Variants in FGF14 observed in about 807,000 individuals in gnomAD.
FGF14 encodes the protein fibroblast growth factor 14.
In FGF14, 5 loss-of-function variants were observed where a neutral mutation model predicts 25.5. That is an observed-to-expected ratio of 0.20 (90% CI 0.10 to 0.41). FGF14 has a LOEUF of 0.41. Ranked by LOEUF, FGF14 falls within the 10% of genes least tolerant of loss-of-function variation. The probability of loss-of-function intolerance (pLI) is 1.00; values close to 1 mark genes in which losing one functional copy is unlikely to be tolerated. For missense variants in FGF14, 222 were observed against 320.1 expected (o/e 0.69, Z 2.34); for synonymous variants, 138 against 118.3 (o/e 1.17, Z -1.08).
At chr13:102,181,320 G>A (rs908850709) in intron 1 of FGF14, among the ~76,000 whole-genome samples, 1 of 152,122 alleles carries the variant, frequency 6.6e-6, no homozygotes, top group African/African-American at 2.4e-5. Context: ...TCCATGACAT[G>A]GTAAAAGGTA....
intron 1 of FGF14, among the ~76,000 whole-genome samples, chr13:101,933,787 A>T (rs112484869): frequency 0.017 from 2,543 of 152,220 alleles, 81 homozygotes; most frequent in African/African-American, 0.057. Flanking sequence ...ATCTGTCTTA[A>T]ATTTTACATA....
intron 1 of FGF14, among the ~76,000 whole-genome samples, chr13:101,952,104 TA>T (rs1426690212): frequency 6.6e-6 from 1 of 152,220 alleles, no homozygotes; most frequent in African/African-American, 2.4e-5. Flanking sequence ...ATTTTGTTCA[TA>T]TTTTTTTTTC....
chr13:101,946,102 TA>T (rs1032719667), intron 1 of FGF14, among the ~76,000 whole-genome samples: 6 of 152,338 alleles, frequency 3.9e-5, no homozygotes, highest in African/African-American at 1.4e-4. Flanking sequence ...ACCTTGGATT[TA>T]AAGTCACCTT....
At chr13:101,809,290 C>T (rs966671523) in intron 3 of FGF14, among the ~76,000 whole-genome samples, 2 of 152,016 alleles carry the variant, frequency 1.3e-5, no homozygotes, top group Non-Finnish European at 2.9e-5. Context: ...GTTTTCAGAA[C>T]ACATGATTAA....
chr13:101,971,547 C>T (rs1042257119), intron 1 of FGF14, among the ~76,000 whole-genome samples: 1 of 152,042 alleles, frequency 6.6e-6, no homozygotes, highest in South Asian at 2.1e-4. Flanking sequence ...ATTTTTTGTA[C>T]TTTTGGTAAA....
intron 1 of FGF14, among the ~76,000 whole-genome samples, chr13:101,942,854 A>G (rs768621290): frequency 2.6e-5 from 4 of 152,244 alleles, no homozygotes; most frequent in Non-Finnish European, 5.9e-5. Flanking sequence ...TAGCCAGAAA[A>G]TAACTATATA....
At position 101,717,361 on chromosome 13, in the gene FGF14, T is replaced by C. The variant is rs1009349612; in HGVS notation, c.*5470A>G. On this transcript the variant is annotated 3_prime_UTR_variant, in exon 5 of 5. Coordinates refer to ENST00000376143, the MANE Select transcript of FGF14 (RefSeq NM_004115.4). ...GTGCAACCATGTTGTAGTTCTATTA[T>C]TGAGTACGTAAATTGATAGATCTCT... The C allele has an allele frequency of 1.3e-5, 2 of 152,152 alleles. No homozygotes were observed. The highest frequency in any genetic ancestry group is 4.8e-5 in the African/African-American group (2 of 41,444). 9.4% of individuals were successfully genotyped at this position (152,152 alleles called of 1,614,324 possible). A position where few individuals can be genotyped will look rare whatever the true frequency, so the allele number is the denominator to read the frequency against.
intron 3 of FGF14, among the ~76,000 whole-genome samples, chr13:101,763,102 G>C (rs1056119837): frequency 6.6e-6 from 1 of 152,206 alleles, no homozygotes; most frequent in African/African-American, 2.4e-5. Flanking sequence ...ATGCACAGAA[G>C]TAAGCAAATT....
chr13:101,846,889 G>C (rs1329860290), intron 3 of FGF14, among the ~76,000 whole-genome samples: 2 of 152,070 alleles, frequency 1.3e-5, no homozygotes, highest in African/African-American at 4.8e-5. Flanking sequence ...AAGTCTGGCA[G>C]ATGGATTTTT....
chr13:101,917,947 G>C (rs2033698765), upstream of FGF14, among the ~76,000 whole-genome samples: 3 of 152,142 alleles, frequency 2.0e-5, no homozygotes, highest in Non-Finnish European at 1.5e-5. Context: ...GCAGAGGAGG[G>C]TGTCACACTA....
intron 1 of FGF14, among the ~76,000 whole-genome samples, chr13:102,357,297 C>G (rs1342286214): frequency 6.6e-6 from 1 of 151,942 alleles, no homozygotes; most frequent in Non-Finnish European, 1.5e-5. Flanking sequence ...AGGAGCCACA[C>G]CTGCATGCAC....
chr13:101,921,768 C>T (rs1440523650), upstream of FGF14, among the ~76,000 whole-genome samples: 1 of 152,164 alleles, frequency 6.6e-6, no homozygotes, highest in Non-Finnish European at 1.5e-5. Context: ...ACTTGCTGTC[C>T]ATCAAACCAC....
intron 1 of FGF14, among the ~76,000 whole-genome samples, chr13:101,936,698 G>GAGCA (rs1329863757): frequency 6.6e-6 from 1 of 152,152 alleles, no homozygotes; most frequent in African/African-American, 2.4e-5. Context: ...CTTGTTTCCA[G>GAGCA]AGCAAGCAAT....
At chr13:101,985,443 G>A (rs1043354157) in intron 1 of FGF14, among the ~76,000 whole-genome samples, 1 of 152,062 alleles carries the variant, frequency 6.6e-6, no homozygotes, top group Non-Finnish European at 1.5e-5. Flanking sequence ...CATGGACCAT[G>A]TGTTAAGATG....
Position 101,826,029 on chromosome 13 carries a change from C to A in FGF14, c.408+42696G>T, listed in dbSNP as rs540516222. Among the ~76,000 whole-genome samples the A allele has an allele frequency of 2.0e-5, 3 of 152,140 alleles. No individual in the cohort carries two copies. The East Asian group carries it at 5.8e-4, about 29-fold the overall frequency. ...ATATTTGTAAGACACATCCTGTTTA[C>A]CAAATTATAATTCAGTTTATATACA... On this transcript the variant is annotated intron_variant, in intron 3 of 4. Transcript: ENST00000376143.
chr13:102,183,443 C>T (rs554393), intron 1 of FGF14, among the ~76,000 whole-genome samples: 115,990 of 152,084 alleles, frequency 0.76, 45,358 homozygotes, highest in African/African-American at 0.94. Context: ...ACTGCCAGAT[C>T]GTCCCTGCCA....
chr13:101,752,448 A>G (rs1196329366), intron 3 of FGF14, among the ~76,000 whole-genome samples: 3 of 152,248 alleles, frequency 2.0e-5, no homozygotes, highest in Non-Finnish European at 2.9e-5. Flanking sequence ...TAAAATACAA[A>G]CAAGTCTTAA....
At chr13:102,309,922 T>C (rs1394490769) in intron 1 of FGF14, among the ~76,000 whole-genome samples, 1 of 152,214 alleles carries the variant, frequency 6.6e-6, no homozygotes, top group African/African-American at 2.4e-5. Context: ...CTCATCTGGA[T>C]AGAAACCTCT....
chr13:101,899,788 T>C (rs771641825), intron 1 of FGF14, among the ~76,000 whole-genome samples: 12 of 152,046 alleles, frequency 7.9e-5, no homozygotes, highest in Non-Finnish European at 1.6e-4. Flanking sequence ...GGAGGAAATA[T>C]AGAAAAATTC....
Sources: allele counts gnomAD v4.1 joint callset (sites outside exome capture counted in the v4.1 genomes callset), GRCh38; gene constraint gnomAD v4.1.1; transcripts MANE v1.5; gene names NCBI Gene and HGNC (gene_info 2026-07-23, HGNC 2026-07-21).